The following CUX1 variants were observed in gnomAD, a reference collection of about 807,000 sequenced individuals.
CUX1 encodes protein CASP.
A neutral mutation model predicts 158.8 loss-of-function variants in CUX1; 31 were observed. That is an observed-to-expected ratio of 0.20 (90% confidence interval 0.15 to 0.26). CUX1 has a LOEUF of 0.26. CUX1 is among the 10% of genes least tolerant of loss of function. CUX1 has a pLI of 1.00. For synonymous variants in CUX1, 879 were observed against 862.1 expected (o/e 1.02, Z -0.34); for missense variants, 1,589 against 2,014.6 (o/e 0.79, Z 4.04).
chr7:101,913,527 G>C (rs1479976263), intron 1 of CUX1: 1 of 553,648 alleles, frequency 1.8e-6, no homozygotes, highest in African/African-American at 2.0e-5. Context: ...AGGGGCAGGT[G>C]GGGACCGAGG....
chr7:101,942,463 A>G (rs1563040908), intron 2 of CUX1, among the ~76,000 whole-genome samples: 1 of 152,166 alleles, frequency 6.6e-6, no homozygotes, highest in African/African-American at 2.4e-5. Flanking sequence ...TGGCTAAGAA[A>G]GAAATTTTGT....
Position 102,115,174 on chromosome 7 carries a change from C to A in CUX1, c.608-33C>A, listed in dbSNP as rs782439923. ...CTGTGTATGCATTCTTTTAAAATTTCATTTAAATAGTTAGTAATTCTTTGC... is the reference window on the plus strand; with the variant it reads ...CTGTGTATGCATTCTTTTAAAATTTAATTTAAATAGTTAGTAATTCTTTGC... On this transcript the variant is annotated intron_variant, in intron 7 of 23. Transcript: ENST00000292535. 3.2e-6 allele frequency: 5 copies of A among 1,586,406 alleles called. No homozygotes were observed. The South Asian group carries it at 5.6e-5, about 18-fold the overall frequency.
chr7:102,268,111 C>A (rs1425504403), intron 14 of CUX1, among the ~76,000 whole-genome samples: 5 of 152,114 alleles, frequency 3.3e-5, no homozygotes, highest in Admixed American at 1.3e-4. Context: ...GCCCTTGCAC[C>A]ACAGACTCCT....
rs185158553 is a variant in CUX1 at position 101,938,742 on chromosome 7, C to T, written c.141+22517C>T. ...CCAACATGGCAAAACCCTGTCTCTACTCAAAACACAAAAATTAGCCGAGCG... is the reference window on the plus strand; with the variant it reads ...CCAACATGGCAAAACCCTGTCTCTATTCAAAACACAAAAATTAGCCGAGCG... On this transcript the variant is annotated intron_variant, in intron 2 of 23. Transcript: ENST00000292535. Among the ~76,000 whole-genome samples the T allele has an allele frequency of 1.9e-3, 287 of 152,140 alleles. 2 individuals are homozygous for T. The highest frequency in any genetic ancestry group is 3.4e-3 in the Non-Finnish European group (228 of 68,002).
At chr7:101,834,008 C>T (rs1355522382) in intron 1 of CUX1, among the ~76,000 whole-genome samples, 1 of 152,040 alleles carries the variant, frequency 6.6e-6, no homozygotes, top group Admixed American at 6.6e-5. Flanking sequence ...CCTGTGCAGC[C>T]ACGTGCCTTT....
intron 20 of CUX1, among the ~76,000 whole-genome samples, chr7:102,225,733 C>T (rs2132330568): frequency 6.6e-6 from 1 of 152,336 alleles, no homozygotes; most frequent in South Asian, 2.1e-4. Flanking sequence ...TGCAAGTCTG[C>T]AGTCCCAGCT....
rs182703173 is a variant in CUX1, at chr7:102,117,558, G to A, written c.674+2285G>A. 6.9e-3 allele frequency among the ~76,000 whole-genome samples: 1,046 copies of A among 152,266 alleles called. 9 individuals are homozygous for A. Among genetic ancestry groups the A allele is most frequent in the Non-Finnish European group, 0.011 (722 of 68,014 alleles). ...GGTGAGGGCCCCCTCGAGGGGAGCC[G>A]TGGCCTTGGGGAGGGAAGAGGGACC... is the stretch of plus-strand genomic sequence containing the variant. On this transcript the variant is annotated intron_variant, in intron 8 of 23. Coordinates refer to ENST00000292535, the MANE Select transcript of CUX1 (RefSeq NM_181552.4).
chr7:102,222,809 A>ATTTTTTTTTTTTTT (rs1554527459), intron 20 of CUX1, among the ~76,000 whole-genome samples: 6 of 23,278 alleles, frequency 2.6e-4, no homozygotes, highest in African/African-American at 3.3e-4. Flanking sequence ...GGGGCACCGT[A>ATTTTTTTTTTTTTT]TCTTTTTTTT....
rs145681223 is a variant in CUX1 at position 102,128,922 on chromosome 7, G to T, written c.674+13649G>T. Among the ~76,000 whole-genome samples, 802 of 151,980 alleles carry T rather than the reference G, an allele frequency of 5.3e-3. 6 individuals carry two copies. The highest frequency in any genetic ancestry group is 0.019 in the African/African-American group (775 of 41,440). On this transcript the variant is annotated intron_variant, in intron 8 of 23. Transcript: ENST00000292535. ...GAACTGGGGAGGTGGAGGTTGCAGT[G>T]AGCTGAGATCCCGCCACTGCACTCC...
rs535307001 is a variant in CUX1 at position 102,164,810 on chromosome 7, C to T, written c.724-5636C>T. Among the ~76,000 whole-genome samples the T allele has an allele frequency of 2.6e-5, 4 of 152,236 alleles. No homozygotes were observed. In the South Asian group the frequency reaches 8.3e-4, roughly 32 times the overall value. ...CATCAGCTCCTGGGTCTACTTTGTT[C>T]CTCGGGGGACTTGCTCATCTCTGGT... On this transcript the variant is annotated intron_variant, in intron 9 of 23. Transcript: ENST00000292535.
chr7:102,188,022 A>G (rs947226272), intron 11 of CUX1, among the ~76,000 whole-genome samples: 1 of 151,976 alleles, frequency 6.6e-6, no homozygotes, highest in South Asian at 2.1e-4. Context: ...CAGCCTGGGC[A>G]ACATAGCAAG....
chr7:102,201,068 G>A lies in CUX1; in HGVS notation c.2063-292G>A, dbSNP rs1483542181. On this transcript the variant is annotated intron_variant, in intron 17 of 23. Coordinates refer to ENST00000292535, the MANE Select transcript of CUX1 (RefSeq NM_181552.4). This position sits in a 1 kb window ranked among gnomAD's most constrained non-coding sequence, Gnocchi z 5.0. ...AAAAAAAAAAAATTCTCGGGGAAAG[G>A]AGCCCCAGGAGGGCAGGTCGGGGAG... Among the ~76,000 whole-genome samples the A allele has an allele frequency of 1.4e-5, 2 of 146,628 alleles. 1 individual carries two copies. Among genetic ancestry groups the A allele is most frequent in the African/African-American group, 5.1e-5 (2 of 39,028 alleles).
At chr7:102,005,523 C>T (rs113293166) in intron 2 of CUX1, among the ~76,000 whole-genome samples, 6 of 152,184 alleles carry the variant, frequency 3.9e-5, no homozygotes, top group African/African-American at 1.2e-4. Flanking sequence ...TTTGCAGAGA[C>T]GATAGTCTCC....
At chr7:101,922,227 C>G (rs562150287) in intron 2 of CUX1, among the ~76,000 whole-genome samples, 47 of 152,310 alleles carry the variant, frequency 3.1e-4, no homozygotes, top group Middle Eastern at 6.8e-3. Flanking sequence ...TATCTCCATT[C>G]TTTAAAAAGT....
chr7:101,918,034 A>C (rs1366917436), intron 2 of CUX1, among the ~76,000 whole-genome samples: 2 of 152,262 alleles, frequency 1.3e-5, no homozygotes, highest in Non-Finnish European at 1.5e-5. Flanking sequence ...AAACAAAAAA[A>C]CCCAGAAAAT....
intron 8 of CUX1, chr7:102,154,226 AAGATAT>A (rs1223723190): frequency 2.0e-5 from 3 of 152,214 alleles, no homozygotes; most frequent in Non-Finnish European, 2.9e-5. Context: ...AGTAACTAAA[AAGATAT>A]AGATGTAGAT....
intron 2 of CUX1, among the ~76,000 whole-genome samples, chr7:102,009,765 T>C (rs1281431104): frequency 6.6e-6 from 1 of 152,258 alleles, no homozygotes; most frequent in Non-Finnish European, 1.5e-5. Flanking sequence ...CTTGGACTTC[T>C]TTATCTCTAG....
At chr7:102,144,173 A>G (rs1177899966) in intron 8 of CUX1, among the ~76,000 whole-genome samples, 1 of 152,082 alleles carries the variant, frequency 6.6e-6, no homozygotes, top group Admixed American at 6.6e-5. Flanking sequence ...GAGTATTTTT[A>G]TGTCTTGCTT....
chr7:101,971,741 T>G (rs1408142690), intron 2 of CUX1, among the ~76,000 whole-genome samples: 1 of 152,156 alleles, frequency 6.6e-6, no homozygotes, highest in African/African-American at 2.4e-5. Flanking sequence ...TCCCTAAAGA[T>G]CCTCGTAAAA....
Sources: allele counts gnomAD v4.1 joint callset (sites outside exome capture counted in the v4.1 genomes callset), GRCh38; gene constraint gnomAD v4.1.1; non-coding constraint Gnocchi (gnomAD v3.1); transcripts MANE v1.5; gene names NCBI Gene and HGNC (gene_info 2026-07-23, HGNC 2026-07-21).